COPS2: variants seen among roughly 807,000 people sequenced by gnomAD.
COPS2 encodes COP9 signalosome subunit 2.
In COPS2, 10 loss-of-function variants were observed where a neutral mutation model predicts 66.1. That is an observed-to-expected ratio of 0.15 (90% CI 0.09 to 0.26). The LOEUF is 0.26. COPS2 is among the 10% of genes least tolerant of loss of function. The pLI, the probability that COPS2 is intolerant of heterozygous loss-of-function variation, is 1.00. For synonymous variants in COPS2, 179 were observed against 171.3 expected (o/e 1.04, Z -0.35); for missense variants, 215 against 513.3 (o/e 0.42, Z 5.62).
intron 1 of COPS2, among the ~76,000 whole-genome samples, chr15:49,145,440 C>T (rs1028095568): frequency 4.6e-5 from 7 of 152,118 alleles, no homozygotes; most frequent in Middle Eastern, 3.2e-3. Context: ...GGAAACCTAA[C>T]GTAGATGTGT....
intron 3 of COPS2, among the ~76,000 whole-genome samples, chr15:49,144,018 G>A (rs779167165): frequency 6.0e-5 from 9 of 150,448 alleles, no homozygotes; most frequent in Non-Finnish European, 1.3e-4. Context: ...ATCTAAAAGA[G>A]TAAGTTTTCT....
intron 9 of COPS2, among the ~76,000 whole-genome samples, chr15:49,131,480 G>A (rs886423648): frequency 1.3e-5 from 2 of 151,560 alleles, no homozygotes; most frequent in African/African-American, 4.9e-5. Context: ...GTGCTGAGAA[G>A]GAAGAATCCA....
intron 7 of COPS2, 65 bp downstream of exon 7, chr15:49,134,275 A>C (rs1297503934): frequency 6.5e-7 from 1 of 1,530,908 alleles, no homozygotes; most frequent in Non-Finnish European, 8.8e-7. Flanking sequence ...CTAAAAAGCA[A>C]GAGTTTAATT....
At chr15:49,151,883 G>A (rs1356293282) in intron 1 of COPS2, among the ~76,000 whole-genome samples, 2 of 149,630 alleles carry the variant, frequency 1.3e-5, no homozygotes, top group Admixed American at 6.7e-5. Context: ...ACTTTCTTGG[G>A]TAAAAACAGT....
intron 1 of COPS2, among the ~76,000 whole-genome samples, chr15:49,149,267 G>C (rs767144695): frequency 6.6e-6 from 1 of 152,074 alleles, no homozygotes; most frequent in Non-Finnish European, 1.5e-5. Flanking sequence ...TTAAATCTCT[G>C]CTTTGGCATA....
rs2084307187 is a variant in COPS2, at chr15:49,144,207, C to A, written c.246+20G>T. ...ACCTACAAAATTTATTAGTTTAATT[C>A]CCCTCAAAACAAATCTTACCAACTT... On this transcript the variant is annotated intron_variant, in intron 3 of 12. Coordinates refer to ENST00000388901, the MANE Select transcript of COPS2 (RefSeq NM_004236.4). The A allele has an allele frequency of 6.7e-7, 1 of 1,495,752 alleles. No homozygotes were observed. Among genetic ancestry groups the A allele is most frequent in the African/African-American group, 1.4e-5 (1 of 72,424 alleles). The allele number at this position is 1,495,752 out of a possible 1,614,324, so 92.7% of individuals were successfully genotyped here. A position where few individuals can be genotyped will look rare whatever the true frequency, so the allele number is the denominator to read the frequency against.
intron 3 of COPS2, among the ~76,000 whole-genome samples, chr15:49,141,446 G>A (rs781453449): frequency 1.3e-5 from 2 of 151,978 alleles, no homozygotes; most frequent in African/African-American, 4.8e-5. Flanking sequence ...CAGTGATGCA[G>A]TGAACCAAGA....
At chr15:49,135,447 T>G (rs1016468160) in intron 6 of COPS2, among the ~76,000 whole-genome samples, 2 of 152,172 alleles carry the variant, frequency 1.3e-5, no homozygotes, top group Non-Finnish European at 2.9e-5. Flanking sequence ...AGAAGATTAA[T>G]CTGTCAGTAG....
rs190497556 is a variant in COPS2, at chr15:49,151,540, T to G, written c.54+3985A>C. On this transcript the variant is annotated intron_variant, in intron 1 of 12. Transcript: ENST00000388901. ...ATTAGAAGTTTCACGGTAGAACGAT[T>G]GGACTGCGGAATTAAAACAGTTAGC... Among the ~76,000 whole-genome samples the G allele has an allele frequency of 2.0e-3, 303 of 152,282 alleles. 2 individuals are homozygous for G. Among genetic ancestry groups the G allele is most frequent in the African/African-American group, 7.0e-3 (291 of 41,578 alleles).
intron 10 of COPS2, 63 bp from the exon 11 acceptor site, chr15:49,129,622 A>G (rs2084194488): frequency 1.4e-6 from 1 of 724,138 alleles, no homozygotes; most frequent in African/African-American, 1.9e-5. Flanking sequence ...TTTATGGATC[A>G]TTATGTACTC....
chr15:49,129,347 T>C (rs997537584), intron 11 of COPS2, 130 bp downstream of exon 11: 6 of 409,298 alleles, frequency 1.5e-5, no homozygotes, highest in Non-Finnish European at 2.6e-5. Flanking sequence ...CCTTAAGTTA[T>C]GTTTAATTTA....
intron 9 of COPS2, among the ~76,000 whole-genome samples, chr15:49,132,014 C>T (rs1233567996): frequency 6.6e-6 from 1 of 152,104 alleles, no homozygotes; most frequent in East Asian, 1.9e-4. Flanking sequence ...AAAGGTCTGA[C>T]AAATCAGTCC....
intron 3 of COPS2, among the ~76,000 whole-genome samples, chr15:49,140,777 G>A (rs1400149993): frequency 2.6e-5 from 4 of 151,154 alleles, no homozygotes; most frequent in Non-Finnish European, 4.4e-5. Flanking sequence ...AAGACATGAA[G>A]CATTGGCAGA....
At position 49,126,605 on chromosome 15, in the gene COPS2, A is replaced by G. The variant is rs1057467814; in HGVS notation, c.*1345T>C. ...CTATAAAATAATGTGAACTTTTTAA[A>G]AAATGAAACAAATACATCCAAAACT... On this transcript the variant is annotated 3_prime_UTR_variant, in exon 13 of 13. Coordinates refer to ENST00000388901, the MANE Select transcript of COPS2 (RefSeq NM_004236.4). 2 of 152,380 alleles carry G rather than the reference A, an allele frequency of 1.3e-5. No homozygotes were observed. The highest frequency in any genetic ancestry group is 2.9e-5 in the Non-Finnish European group (2 of 67,952). 9.4% of individuals were successfully genotyped at this position (152,380 alleles called of 1,614,324 possible). A position where few individuals can be genotyped will look rare whatever the true frequency, so the allele number is the denominator to read the frequency against.
intron 4 of COPS2, among the ~76,000 whole-genome samples, chr15:49,138,420 TA>T (rs1293546734): frequency 5.9e-5 from 9 of 152,142 alleles, no homozygotes; most frequent in Non-Finnish European, 1.2e-4. Flanking sequence ...ACAAAAACCT[TA>T]CATATAACCA....
chr15:49,143,275 G>GT (rs1307792296), intron 3 of COPS2, among the ~76,000 whole-genome samples: 1 of 152,174 alleles, frequency 6.6e-6, no homozygotes, highest in Non-Finnish European at 1.5e-5. Context: ...GTAGGTCATG[G>GT]TAAGAATTTT....
chr15:49,151,107 T>A (rs1305226111), intron 1 of COPS2, among the ~76,000 whole-genome samples: 1 of 152,096 alleles, frequency 6.6e-6, no homozygotes, highest in African/African-American at 2.4e-5. Context: ...TAAATAATTA[T>A]ATCCAAATAT....
chr15:49,129,288 C>T (rs2084191815), intron 11 of COPS2, among the ~76,000 whole-genome samples, 189 bp downstream of exon 11: 1 of 150,114 alleles, frequency 6.7e-6, no homozygotes, highest in South Asian at 2.1e-4. Flanking sequence ...CTGGGCTATA[C>T]AGCAAGACCC....
At chr15:49,142,538 A>G (rs1259272159) in intron 3 of COPS2, among the ~76,000 whole-genome samples, 1 of 152,228 alleles carries the variant, frequency 6.6e-6, no homozygotes, top group African/African-American at 2.4e-5. Context: ...GGAAAAAGAA[A>G]GTGGTAACAT....
Sources: gnomAD v4.1 joint callset for allele counts (sites outside exome capture counted in the v4.1 genomes callset) on GRCh38, gnomAD v4.1.1 for gene constraint, MANE v1.5 for transcripts, NCBI Gene and HGNC (gene_info 2026-07-23, HGNC 2026-07-21) for gene names.